Variants in FAM3D observed in about 807,000 individuals in gnomAD.
The protein encoded by FAM3D is FAM3 metabolism regulating signaling molecule D.
Under a neutral mutation model 29.8 loss-of-function variants are expected in FAM3D, and 26 were observed. The ratio of observed to expected loss-of-function variants is 0.87; its 90% CI spans 0.64 to 1.21. The LOEUF (loss-of-function observed/expected upper bound fraction) is 1.21, where lower values mean the gene tolerates loss of function less well. Ranked by LOEUF, FAM3D falls within the 50% of genes most tolerant of loss-of-function variation. The probability of loss-of-function intolerance (pLI) is 0.00; values close to 1 mark genes in which losing one functional copy is unlikely to be tolerated. For missense variants in FAM3D, 253 were observed against 290.9 expected (o/e 0.87, Z 0.95); for synonymous variants, 115 against 102.3 (o/e 1.12, Z -0.75).
chr3:58,642,319 G>C (rs2066356509), intron 6 of FAM3D, among the ~76,000 whole-genome samples: 1 of 152,240 alleles, frequency 6.6e-6, no homozygotes, highest in Non-Finnish European at 1.5e-5. Context: ...TTTCTTGGCA[G>C]AGCGAGAAAA....
At chr3:58,656,274 T>C (rs901906590) in intron 1 of FAM3D, among the ~76,000 whole-genome samples, 3 of 152,116 alleles carry the variant, frequency 2.0e-5, no homozygotes, top group African/African-American at 4.8e-5. Flanking sequence ...ACAACCCCCA[T>C]GTTAGGGATG....
At chr3:58,642,353 G>A (rs1174768315) in intron 6 of FAM3D, among the ~76,000 whole-genome samples, 1 of 152,200 alleles carries the variant, frequency 6.6e-6, no homozygotes, top group Non-Finnish European at 1.5e-5. Context: ...GTGAAGTGCA[G>A]GGGCTTGGAG....
At position 58,641,925 on chromosome 3, in the gene FAM3D, GC is replaced by G. The variant is rs1483837463; in HGVS notation, c.322+1736del. 5.3e-5 allele frequency among the ~76,000 whole-genome samples: 8 copies of G among 152,364 alleles called. No homozygotes were observed. In the East Asian group the frequency reaches 1.5e-3, roughly 29 times the overall value. On this transcript the variant is annotated intron_variant, in intron 6 of 9. Coordinates refer to ENST00000358781, the MANE Select transcript of FAM3D (RefSeq NM_138805.3). Reference sequence around the variant, plus strand: ...GCGACCCATTTAGGGGAGAAAGTCAGCAGGTTTCAGCCAGGTCAGCTGCAGC... The same window carrying G: ...GCGACCCATTTAGGGGAGAAAGTCAGAGGTTTCAGCCAGGTCAGCTGCAGC...
At chr3:58,663,943 A>T (rs1416588169) in intron 1 of FAM3D, among the ~76,000 whole-genome samples, 1 of 152,124 alleles carries the variant, frequency 6.6e-6, no homozygotes, top group Admixed American at 6.5e-5. Context: ...TACTTTGTGG[A>T]ATGTGGCCTC....
chr3:58,655,197 G>T (rs1233785516), intron 2 of FAM3D, among the ~76,000 whole-genome samples: 2 of 152,132 alleles, frequency 1.3e-5, no homozygotes, highest in Non-Finnish European at 2.9e-5. Flanking sequence ...CAGTATGAGG[G>T]TGTGGACTAG....
At chr3:58,643,244 T>C (rs914818324) in intron 6 of FAM3D, among the ~76,000 whole-genome samples, 11 of 152,362 alleles carry the variant, frequency 7.2e-5, no homozygotes, top group African/African-American at 2.6e-4. Flanking sequence ...CCCAGTGTCC[T>C]GTACAGAGCC....
intron 6 of FAM3D, among the ~76,000 whole-genome samples, chr3:58,640,790 G>A (rs988330939): frequency 2.6e-5 from 4 of 152,204 alleles, no homozygotes; most frequent in African/African-American, 9.6e-5. Context: ...TACAGTTCGC[G>A]CTCTCCGCCG....
At chr3:58,663,851 C>T (rs1273318685) in intron 1 of FAM3D, among the ~76,000 whole-genome samples, 1 of 152,152 alleles carries the variant, frequency 6.6e-6, no homozygotes. Context: ...ACTCCCAGCT[C>T]CCAGCTCCCA....
At chr3:58,663,972 C>T (rs2066981492) in intron 1 of FAM3D, among the ~76,000 whole-genome samples, 1 of 152,228 alleles carries the variant, frequency 6.6e-6, no homozygotes, top group South Asian at 2.1e-4. Context: ...GGTCCCCCTT[C>T]TGCAGCCTGT....
chr3:58,658,408 C>T (rs1193514459), intron 1 of FAM3D, among the ~76,000 whole-genome samples: 3 of 152,180 alleles, frequency 2.0e-5, no homozygotes, highest in Non-Finnish European at 4.4e-5. Flanking sequence ...CCAAAGCATT[C>T]CCTGAGCATC....
chr3:58,662,933 C>T (rs1441169601), intron 1 of FAM3D, among the ~76,000 whole-genome samples: 1 of 152,256 alleles, frequency 6.6e-6, no homozygotes, highest in Non-Finnish European at 1.5e-5. Flanking sequence ...TGGAATCTTG[C>T]TCTGTTGCCC....
Position 58,635,481 on chromosome 3 carries a change from G to A in FAM3D, c.585+813C>T, listed in dbSNP as rs1489918641. The stretch of plus-strand genomic sequence containing the variant: ...GGATGAAGATGATGCTGGGCTTCCT[G>A]TACTCCCACGCCTCCTCTGTCTTGC... On this transcript the variant is annotated intron_variant, in intron 9 of 9. Transcript: ENST00000358781. This position sits in a 1 kb window ranked among gnomAD's most constrained non-coding sequence, Gnocchi z 5.2. Among the ~76,000 whole-genome samples the A allele has an allele frequency of 1.3e-5, 2 of 152,284 alleles. No homozygotes were observed. The highest frequency in any genetic ancestry group is 2.9e-5 in the Non-Finnish European group (2 of 68,026).
chr3:58,649,323 T>C lies in FAM3D; in HGVS notation c.137A>G (p.Lys46Arg), dbSNP rs990821306. Residue 46 changes from lysine (K) to arginine (R), a missense_variant, in exon 4 of 10, where the codon AAG becomes AGG. By Grantham distance (26) the Lys-to-Arg change is conservative. Coordinates refer to ENST00000358781, the MANE Select transcript of FAM3D (RefSeq NM_138805.3). The stretch of plus-strand genomic sequence containing the variant: ...GCTGCACAGATACTCACGGATCTCC[T>C]TGGTGGGCGAGGCTGCTGGAGAGAA... ...LPRWLAASPT[K>R]EIQVKKYKCG... The C allele has an allele frequency of 4.8e-5, 77 of 1,613,556 alleles. No homozygotes were observed. Among genetic ancestry groups the C allele is most frequent in the Non-Finnish European group, 6.2e-5 (73 of 1,179,808 alleles).
chr3:58,643,487 C>T (rs1025571497), intron 6 of FAM3D, among the ~76,000 whole-genome samples, 175 bp downstream of exon 6: 6 of 152,230 alleles, frequency 3.9e-5, no homozygotes, highest in East Asian at 1.9e-4. Flanking sequence ...TACAGCTCTG[C>T]GGGTCTTTGA....
At position 58,664,295 on chromosome 3, in the gene FAM3D, A is replaced by T. The variant is rs373339669; in HGVS notation, c.-39+2281T>A. 1.7e-4 allele frequency among the ~76,000 whole-genome samples: 26 copies of T among 152,336 alleles called. No individual in the cohort carries two copies. The South Asian group carries it at 5.2e-3, about 30-fold the overall frequency. ...GCCCAGTTTTGGGACTGCTGTTTGTACTGATTACGTAGAACTTGTTCACAT... is the reference window on the plus strand; with the variant it reads ...GCCCAGTTTTGGGACTGCTGTTTGTTCTGATTACGTAGAACTTGTTCACAT... On this transcript the variant is annotated intron_variant, in intron 1 of 9. Transcript: ENST00000358781.
At chr3:58,656,343 C>T (rs2066799466) in intron 1 of FAM3D, among the ~76,000 whole-genome samples, 1 of 152,206 alleles carries the variant, frequency 6.6e-6, no homozygotes, top group South Asian at 2.1e-4. Flanking sequence ...GGGTGAGAGC[C>T]AGAATTTGGA....
chr3:58,662,505 TC>T (rs1682004629), intron 1 of FAM3D, among the ~76,000 whole-genome samples: 1 of 152,236 alleles, frequency 6.6e-6, no homozygotes, highest in South Asian at 2.1e-4. Context: ...CATTTAATTT[TC>T]CCAACAATCT....
intron 7 of FAM3D, among the ~76,000 whole-genome samples, chr3:58,638,692 G>A (rs1003013785): frequency 6.6e-6 from 1 of 152,166 alleles, no homozygotes; most frequent in African/African-American, 2.4e-5. Flanking sequence ...CAGGTCATAG[G>A]CCCACAAAGC....
At chr3:58,661,033 C>T (rs1439244106) in intron 1 of FAM3D, among the ~76,000 whole-genome samples, 1 of 152,170 alleles carries the variant, frequency 6.6e-6, no homozygotes, top group Admixed American at 6.5e-5. Context: ...GCTTGGCAGG[C>T]CGTATGTTCT....
Sources: allele counts gnomAD v4.1 joint callset (sites outside exome capture counted in the v4.1 genomes callset), GRCh38; gene constraint gnomAD v4.1.1; non-coding constraint Gnocchi (gnomAD v3.1); transcripts MANE v1.5; gene names NCBI Gene and HGNC (gene_info 2026-07-23, HGNC 2026-07-21).